Variants in AATF observed in about 807,000 individuals in gnomAD.
AATF encodes apoptosis antagonizing transcription factor, also known as protein AATF.
A neutral mutation model predicts 63.7 loss-of-function variants in AATF; 48 were observed. The ratio of observed to expected loss-of-function variants is 0.75; its 90% CI spans 0.60 to 0.96. The LOEUF is 0.96. Ranked by LOEUF, AATF falls within the 40% of genes least tolerant of loss-of-function variation. The pLI is 0.00. For missense variants in AATF, 639 were observed against 685.7 expected, an observed-to-expected ratio of 0.93 and a Z score of 0.76; for synonymous variants, 258 against 247.7, an observed-to-expected ratio of 1.04 and a Z score of -0.39.
intron 4 of AATF, chr17:36,980,473 T>C (rs1477001990): frequency 6.6e-6 from 1 of 152,228 alleles, no homozygotes; most frequent in Non-Finnish European, 1.5e-5. Flanking sequence ...GAAGAAAGTA[T>C]ATGAATCTTT....
At chr17:36,985,018 C>T (rs2071156622) in intron 4 of AATF, among the ~76,000 whole-genome samples, 1 of 151,854 alleles carries the variant, frequency 6.6e-6, no homozygotes, top group South Asian at 2.1e-4. Flanking sequence ...TCTCCTGCCT[C>T]AGCCTCCTGA....
intron 7 of AATF, 31 bp from the exon 8 acceptor site, chr17:36,990,742 AT>A: frequency 7.5e-7 from 1 of 1,329,536 alleles, no homozygotes; most frequent in Non-Finnish European, 1.1e-6. Context: ...CCTTGTTGGG[AT>A]TCACTCTTTT....
At chr17:36,977,230 G>T (rs2071086182) in intron 4 of AATF, among the ~76,000 whole-genome samples, 1 of 152,208 alleles carries the variant, frequency 6.6e-6, no homozygotes, top group African/African-American at 2.4e-5. Flanking sequence ...TGATGTGTTG[G>T]ATGCTGGATG....
chr17:36,980,630 T>A (rs557712001), intron 4 of AATF, among the ~76,000 whole-genome samples: 28 of 152,352 alleles, frequency 1.8e-4, no homozygotes, highest in East Asian at 3.9e-4. Flanking sequence ...GGTTTTTTTT[T>A]AAATGTGTTT....
At chr17:36,968,270 CTTTTTTTTTTTTTTT>C (rs3049638) in intron 4 of AATF, among the ~76,000 whole-genome samples, 1 of 23,764 alleles carries the variant, frequency 4.2e-5, no homozygotes, top group Non-Finnish European at 7.6e-5. Flanking sequence ...TTCCTTCTTT[CTTTTTTTTTTTTTTT>C]TTTTTTTTTT....
At chr17:36,970,880 C>CAA (rs947723861) in intron 4 of AATF, among the ~76,000 whole-genome samples, 1 of 143,466 alleles carries the variant, frequency 7.0e-6, no homozygotes, top group African/African-American at 2.6e-5. Flanking sequence ...CACTCATTTG[C>CAA]AAAAAAAAAA....
intron 10 of AATF, among the ~76,000 whole-genome samples, chr17:37,021,912 A>G (rs956329256): frequency 6.6e-6 from 1 of 151,982 alleles, no homozygotes; most frequent in Non-Finnish European, 1.5e-5. Context: ...TGCTAAAAAG[A>G]TATAAGTGAA....
At chr17:36,989,035 C>T (rs561173832) in intron 6 of AATF, among the ~76,000 whole-genome samples, 4 of 151,768 alleles carry the variant, frequency 2.6e-5, no homozygotes, top group South Asian at 2.1e-4. Flanking sequence ...AGCTAATCTC[C>T]GTGTGTAGAA....
At chr17:37,042,041 T>G (rs2142313599) in intron 11 of AATF, among the ~76,000 whole-genome samples, 1 of 152,290 alleles carries the variant, frequency 6.6e-6, no homozygotes, top group Non-Finnish European at 1.5e-5. Context: ...GACTTTTCTT[T>G]ATGAATTTTC....
chr17:37,051,689 G>GACAC (rs1447795733), intron 11 of AATF, among the ~76,000 whole-genome samples: 17 of 118,592 alleles, frequency 1.4e-4, no homozygotes, highest in African/African-American at 3.3e-4. Flanking sequence ...CAGACAGACA[G>GACAC]ACAGACAGAC....
At chr17:36,970,170 T>C (rs1042425510) in intron 4 of AATF, among the ~76,000 whole-genome samples, 4 of 152,262 alleles carry the variant, frequency 2.6e-5, no homozygotes, top group Non-Finnish European at 5.9e-5. Flanking sequence ...GGTAAATGCA[T>C]GTTTAACTTC....
At chr17:36,961,860 A>T (rs759745813) in intron 4 of AATF, among the ~76,000 whole-genome samples, 8 of 152,034 alleles carry the variant, frequency 5.3e-5, no homozygotes, top group Non-Finnish European at 8.8e-5. Flanking sequence ...TTTTTGGTAG[A>T]GACTGGGTTT....
At chr17:37,037,839 C>A (rs761232067) in intron 11 of AATF, among the ~76,000 whole-genome samples, 23 of 152,300 alleles carry the variant, frequency 1.5e-4, no homozygotes, top group Middle Eastern at 6.8e-3. Context: ...GCACCATTCC[C>A]GTGGTGCTGT....
At chr17:36,994,150 T>A (rs1217624548) in intron 8 of AATF, among the ~76,000 whole-genome samples, 1 of 152,184 alleles carries the variant, frequency 6.6e-6, no homozygotes, top group Non-Finnish European at 1.5e-5. Context: ...TAAGTAACCG[T>A]CTGACATCAT....
intron 8 of AATF, among the ~76,000 whole-genome samples, chr17:37,011,232 C>T (rs547954985): frequency 4.6e-5 from 7 of 152,004 alleles, no homozygotes; most frequent in Admixed American, 1.3e-4. Flanking sequence ...AAAATTAGCC[C>T]GGCGTGGTGG....
intron 8 of AATF, among the ~76,000 whole-genome samples, chr17:37,004,510 G>A (rs2071327083): frequency 6.6e-6 from 1 of 152,146 alleles, no homozygotes; most frequent in Admixed American, 6.5e-5. Flanking sequence ...GGTAAAAATG[G>A]ATGTTGCAGG....
At chr17:36,999,417 A>G (rs1322194263) in intron 8 of AATF, among the ~76,000 whole-genome samples, 3 of 152,210 alleles carry the variant, frequency 2.0e-5, no homozygotes, top group African/African-American at 4.8e-5. Context: ...TTTAAATAGT[A>G]TAAAATAAAT....
At chr17:36,988,470 T>C (rs1313138051) in intron 5 of AATF, 49 bp from the exon 6 acceptor site, 8 of 1,575,682 alleles carry the variant, frequency 5.1e-6, no homozygotes, top group Non-Finnish European at 6.9e-6. Flanking sequence ...TTTTAAAATC[T>C]AAGTAATGTT....
intron 4 of AATF, among the ~76,000 whole-genome samples, chr17:36,964,139 T>G (rs2070971598): frequency 6.7e-6 from 1 of 150,144 alleles, no homozygotes. Flanking sequence ...CATTGGATGG[T>G]GAAGGATGTG....
Sources: allele counts gnomAD v4.1 joint callset (sites outside exome capture counted in the v4.1 genomes callset), GRCh38; gene constraint gnomAD v4.1.1; transcripts MANE v1.5; gene names NCBI Gene and HGNC (gene_info 2026-07-23, HGNC 2026-07-21).